SMAD6: variants seen among roughly 807,000 people sequenced by gnomAD.
SMAD6 encodes the protein MAD homolog 6.
SMAD6 carries 103 observed loss-of-function variants against 39.4 expected under a neutral mutation model. That is an observed-to-expected ratio of 2.62 (90% confidence interval 2.23 to 3.08). SMAD6 has a LOEUF of 3.08. Among genes scored for constraint, SMAD6 ranks in the 30% most tolerant of loss-of-function variants. SMAD6 has a pLI of 0.00. For missense variants in SMAD6, 1,104 were observed against 742.9 expected (o/e 1.49, Z -5.65); for synonymous variants, 445 against 353.3 (o/e 1.26, Z -2.91).
chr15:66,729,125 T>C (rs1172250110), intron 3 of SMAD6, among the ~76,000 whole-genome samples: 1 of 152,076 alleles, frequency 6.6e-6, no homozygotes, highest in East Asian at 1.9e-4. Flanking sequence ...GTGGCAGAGC[T>C]CGGCCTAGAG....
At position 66,769,556 on chromosome 15, in the gene SMAD6, G is replaced by A. The variant is rs1894346023; in HGVS notation, c.953-11441G>A. Among the ~76,000 whole-genome samples the A allele has an allele frequency of 2.6e-5, 4 of 152,290 alleles. No homozygotes were observed. The South Asian group carries it at 8.3e-4, about 32-fold the overall frequency. ...TGGTGGCAGGAGATGGTGAGGCCAA[G>A]GATTTGAGGGAGCTGGGCTGTGGGT... is the stretch of plus-strand genomic sequence containing the variant. On this transcript the variant is annotated intron_variant, in intron 3 of 3. Coordinates refer to ENST00000288840, the MANE Select transcript of SMAD6 (RefSeq NM_005585.5).
At chr15:66,758,405 G>A (rs754082432) in intron 3 of SMAD6, among the ~76,000 whole-genome samples, 10 of 152,050 alleles carry the variant, frequency 6.6e-5, no homozygotes, top group Non-Finnish European at 1.3e-4. Context: ...CAGTAAATAC[G>A]AATGTGTTAA....
chr15:66,745,677 T>A (rs1893894944), intron 3 of SMAD6, among the ~76,000 whole-genome samples: 1 of 152,182 alleles, frequency 6.6e-6, no homozygotes, highest in African/African-American at 2.4e-5. Context: ...GGCACAGCAG[T>A]GGCCTGGCAT....
chr15:66,723,360 A>T (rs1427767404), intron 3 of SMAD6, among the ~76,000 whole-genome samples: 1 of 152,194 alleles, frequency 6.6e-6, no homozygotes, highest in Admixed American at 6.5e-5. Flanking sequence ...TGGGCTTTTG[A>T]ATGACAAGTC....
chr15:66,726,076 C>T (rs1393097862), intron 3 of SMAD6, among the ~76,000 whole-genome samples: 1 of 152,196 alleles, frequency 6.6e-6, no homozygotes, highest in East Asian at 1.9e-4. Flanking sequence ...GGTTTGGCCC[C>T]TGAGGAGGCT....
At chr15:66,721,258 G>A (rs1012413442) in intron 3 of SMAD6, among the ~76,000 whole-genome samples, 13 of 152,244 alleles carry the variant, frequency 8.5e-5, no homozygotes, top group Admixed American at 3.9e-4. Context: ...TGTGCCTGCC[G>A]TTTGCCCATT....
At position 66,778,070 on chromosome 15, in the gene SMAD6, C is replaced by CTTTCTTTTCT. The variant is rs151078438; in HGVS notation, c.953-2922_953-2913dup. On this transcript the variant is annotated intron_variant, in intron 3 of 3. Coordinates refer to ENST00000288840, the MANE Select transcript of SMAD6 (RefSeq NM_005585.5). Reference sequence around the variant, plus strand: ...TCCCACCTGTCCTTGAATTGAAAAACTTTCTTTTCTTTTCCTTTTTTTTTT... The same window carrying CTTTCTTTTCT: ...TCCCACCTGTCCTTGAATTGAAAAACTTTCTTTTCTTTTCTTTTCTTTTCCTTTTTTTTTT... Among the ~76,000 whole-genome samples the CTTTCTTTTCT allele has an allele frequency of 9.3e-3, 1,390 of 149,062 alleles. 86 individuals carry two copies. The East Asian group carries it at 0.16, about 18-fold the overall frequency.
In SMAD6 at chr15:66,781,796, A is replaced by G. The variant is rs968871513; in HGVS notation, c.*261A>G. On this transcript the variant is annotated 3_prime_UTR_variant, in exon 4 of 4. Transcript: ENST00000288840. ...AAACAAGAAAGACGCACTTTGGCTT[A>G]TAATTCTTTCAATACAGATATATTT... 2.5e-6 allele frequency: 1 copy of G among 399,240 alleles called. No homozygotes were observed. Among genetic ancestry groups the G allele is most frequent in the Admixed American group, 4.4e-5 (1 of 22,740 alleles). 24.7% of individuals were successfully genotyped at this position (399,240 alleles called of 1,614,324 possible).
intron 1 of SMAD6, among the ~76,000 whole-genome samples, chr15:66,709,934 G>T (rs915713458): frequency 1.1e-4 from 16 of 152,200 alleles, no homozygotes; most frequent in Admixed American, 1.0e-3. Flanking sequence ...TTTGGCCACA[G>T]ATGCATTCAA....
chr15:66,723,656 C>T (rs797009004), intron 3 of SMAD6, among the ~76,000 whole-genome samples: 8 of 152,086 alleles, frequency 5.3e-5, no homozygotes, highest in African/African-American at 1.9e-4. Flanking sequence ...ACCTGAGCAA[C>T]AGAACAAGAC....
At chr15:66,773,587 A>C (rs1894415417) in intron 3 of SMAD6, among the ~76,000 whole-genome samples, 4 of 152,162 alleles carry the variant, frequency 2.6e-5, no homozygotes, top group African/African-American at 9.7e-5. Context: ...TAGGTTAACC[A>C]GATGCAGGGC....
intron 3 of SMAD6, among the ~76,000 whole-genome samples, chr15:66,773,828 TCTGA>T (rs1894419609): frequency 6.6e-6 from 1 of 152,196 alleles, no homozygotes; most frequent in Non-Finnish European, 1.5e-5. Flanking sequence ...TCTCTGGGCT[TCTGA>T]GACTTTGAAT....
intron 1 of SMAD6, among the ~76,000 whole-genome samples, chr15:66,709,279 G>A (rs975091664): frequency 1.3e-5 from 2 of 152,200 alleles, no homozygotes; most frequent in South Asian, 2.1e-4. Flanking sequence ...CCTCCTGAAC[G>A]GTTTGTAGTG....
intron 3 of SMAD6, among the ~76,000 whole-genome samples, chr15:66,779,996 ACTC>A (rs1320131474): frequency 6.6e-6 from 1 of 151,650 alleles, no homozygotes; most frequent in African/African-American, 2.4e-5. Context: ...AAATTGTTAA[ACTC>A]CTCCAGACAC....
intron 3 of SMAD6, among the ~76,000 whole-genome samples, chr15:66,759,828 T>C (rs1894167497): frequency 6.6e-6 from 1 of 152,256 alleles, no homozygotes; most frequent in African/African-American, 2.4e-5. Flanking sequence ...CCAGAGGTAG[T>C]GTGAGCAGGG....
intron 3 of SMAD6, among the ~76,000 whole-genome samples, chr15:66,776,723 C>T (rs1051063044): frequency 6.6e-6 from 1 of 152,172 alleles, no homozygotes; most frequent in African/African-American, 2.4e-5. Context: ...TTCATTGGTC[C>T]ATGGTGACAG....
chr15:66,728,683 G>A (rs1383886165), intron 3 of SMAD6, among the ~76,000 whole-genome samples: 2 of 152,176 alleles, frequency 1.3e-5, no homozygotes, highest in Admixed American at 1.3e-4. Flanking sequence ...GGGATTACAG[G>A]TGTGAGCCAC....
In SMAD6 at chr15:66,711,690, TC is replaced by T. The variant is rs1304524075; in HGVS notation, c.841del (p.Arg281GlyfsTer258). On this transcript the variant is annotated frameshift_variant, in exon 2 of 4. Transcript: ENST00000288840. LOFTEE classifies it high-confidence loss of function. ...GPESPPPPYS[R>X]LSPRDEYKPL... ...CAGAATCTCCGCCACCTCCCTACTC[TC>T]GGCTGTCTCCTCGCGACGAGTACAA... 6.2e-7 allele frequency: 1 copy of T among 1,613,840 alleles called. No individual in the cohort carries two copies.
intron 3 of SMAD6, among the ~76,000 whole-genome samples, chr15:66,728,120 T>C (rs1595773600): frequency 6.6e-6 from 1 of 152,192 alleles, no homozygotes; most frequent in Non-Finnish European, 1.5e-5. Context: ...CCCAAAGTGC[T>C]GGGATTACTG....
Sources: gnomAD v4.1 joint callset for allele counts (sites outside exome capture counted in the v4.1 genomes callset) on GRCh38, gnomAD v4.1.1 for gene constraint, MANE v1.5 for transcripts, NCBI Gene and HGNC (gene_info 2026-07-23, HGNC 2026-07-21) for gene names.